Variants in LATS1 observed in about 807,000 individuals in gnomAD.
LATS1 encodes the protein serine/threonine-protein kinase LATS1.
In LATS1, 25 loss-of-function variants were observed where a neutral mutation model predicts 106.6. The ratio of observed to expected loss-of-function variants is 0.23; its 90% CI spans 0.17 to 0.33. The LOEUF is 0.33. LATS1 is among the 10% of genes least tolerant of loss of function. The pLI is 1.00. For missense variants in LATS1, 1,040 were observed against 1,382.6 expected, an observed-to-expected ratio of 0.75 and a Z score of 3.93; for synonymous variants, 465 against 455.6, an observed-to-expected ratio of 1.02 and a Z score of -0.26.
Position 149,683,111 on chromosome 6 carries a change from G to A in LATS1, c.1978C>T (p.Arg660Cys), listed in dbSNP as rs1782148808. 1 of 1,612,600 alleles carries A rather than the reference G, an allele frequency of 6.2e-7. No homozygotes were observed. Among genetic ancestry groups the A allele is most frequent in the Non-Finnish European group, 8.5e-7 (1 of 1,179,348 alleles). The change falls in exon 4 of 8, where the codon CGT (arginine) becomes TGT (cysteine). Residue 660 changes from arginine to cysteine, a missense_variant. Physicochemically the swap from Arg to Cys is radical, Grantham distance 180. Coordinates refer to ENST00000543571, the MANE Select transcript of LATS1 (RefSeq NM_004690.4). ...VLKSHQQRLH[R>C]KKQLENEMMR... is the part of the protein sequence containing the mutation. ...ATTTCATTCTCTAATTGTTTTTTACGATGTAGACGCTGCTGATGAGATTTG... is the reference window on the plus strand; with the variant it reads ...ATTTCATTCTCTAATTGTTTTTTACAATGTAGACGCTGCTGATGAGATTTG...
chr6:149,672,241 GCT>G (rs1460500108), intron 7 of LATS1, among the ~76,000 whole-genome samples: 2 of 148,454 alleles, frequency 1.3e-5, no homozygotes, highest in Admixed American at 6.7e-5. Flanking sequence ...ATGGAGTCTC[GCT>G]CTGTCACCCA....
chr6:149,696,627 C>T (rs1783094138), intron 2 of LATS1, among the ~76,000 whole-genome samples: 1 of 143,090 alleles, frequency 7.0e-6, no homozygotes, highest in African/African-American at 2.6e-5. Context: ...TTTTATTAAG[C>T]ACATTGCCAT....
intron 1 of LATS1, among the ~76,000 whole-genome samples, chr6:149,710,480 A>G (rs1784029157): frequency 6.6e-6 from 1 of 152,144 alleles, no homozygotes; most frequent in South Asian, 2.1e-4. Flanking sequence ...TCAGAGTTCT[A>G]GTTTTATATA....
chr6:149,673,865 G>T (rs929325017), intron 7 of LATS1, among the ~76,000 whole-genome samples: 1 of 151,492 alleles, frequency 6.6e-6, no homozygotes, highest in South Asian at 2.1e-4. Flanking sequence ...AGTAGAGACG[G>T]GGTTTCACCA....
intron 1 of LATS1, among the ~76,000 whole-genome samples, chr6:149,708,161 G>T (rs1001164644): frequency 3.9e-5 from 6 of 152,032 alleles, no homozygotes; most frequent in African/African-American, 1.2e-4. Flanking sequence ...CATTTATCAG[G>T]GGAAATAACA....
chr6:149,667,626 A>G (rs1039520109), intron 7 of LATS1, among the ~76,000 whole-genome samples: 3 of 152,188 alleles, frequency 2.0e-5, no homozygotes, highest in African/African-American at 7.2e-5. Flanking sequence ...TGTGTGGTAC[A>G]GATAAATATT....
intron 1 of LATS1, among the ~76,000 whole-genome samples, chr6:149,711,230 A>T (rs1394032745): frequency 6.6e-6 from 1 of 151,658 alleles, no homozygotes; most frequent in Non-Finnish European, 1.5e-5. Context: ...CTTTAAAGAA[A>T]CTGTTTTGTT....
chr6:149,712,644 C>T (rs971520998), intron 1 of LATS1, among the ~76,000 whole-genome samples: 1 of 152,186 alleles, frequency 6.6e-6, no homozygotes, highest in Non-Finnish European at 1.5e-5. Flanking sequence ...AGCCACCATG[C>T]CCGGCCAGTA....
At chr6:149,694,494 G>A (rs1382916450) in intron 3 of LATS1, among the ~76,000 whole-genome samples, 2 of 152,082 alleles carry the variant, frequency 1.3e-5, no homozygotes, top group African/African-American at 4.8e-5. Context: ...ATTTTAATGT[G>A]GCTAGTAAAA....
At chr6:149,675,449 G>T (rs1013046229) in intron 7 of LATS1, among the ~76,000 whole-genome samples, 1 of 152,096 alleles carries the variant, frequency 6.6e-6, no homozygotes, top group African/African-American at 2.4e-5. Context: ...TTTTCAAGTG[G>T]GGATATAAAC....
At chr6:149,699,498 A>G (rs1188261697) in intron 2 of LATS1, among the ~76,000 whole-genome samples, 1 of 152,162 alleles carries the variant, frequency 6.6e-6, no homozygotes, top group Non-Finnish European at 1.5e-5. Flanking sequence ...AAAATAAATA[A>G]ATAACACCAT....
At chr6:149,673,408 C>A (rs1781547545) in intron 7 of LATS1, among the ~76,000 whole-genome samples, 1 of 151,842 alleles carries the variant, frequency 6.6e-6, no homozygotes, top group Non-Finnish European at 1.5e-5. Context: ...CCTTTTATTT[C>A]TTTTCATTGC....
In LATS1 at chr6:149,676,599, A is replaced by G; in HGVS notation, c.2732T>C (p.Val911Ala). 1 of 1,614,094 alleles carries G rather than the reference A, an allele frequency of 6.2e-7. No individual in the cohort carries two copies. The highest frequency in any genetic ancestry group is 1.1e-5 in the South Asian group (1 of 91,078). Reference sequence around the variant, plus strand: ...AGGTGCAATATAATTGGGAGTCCCAACCAAAGAATGTGCTAGACATCGCTG... The same window carrying G: ...AGGTGCAATATAATTGGGAGTCCCAGCCAAAGAATGTGCTAGACATCGCTG... ...QHQRCLAHSL[V>A]GTPNYIAPEV... Residue 911 changes from valine to alanine, a missense_variant, in exon 6 of 8, where the codon GTT becomes GCT. Transcript: ENST00000543571.
At chr6:149,693,537 G>T (rs531200664) in intron 3 of LATS1, among the ~76,000 whole-genome samples, 2 of 151,772 alleles carry the variant, frequency 1.3e-5, no homozygotes, top group Non-Finnish European at 2.9e-5. Context: ...TTGAACCCAG[G>T]GGGTGGAGGT....
In LATS1 at chr6:149,661,481, G is replaced by A. The variant is rs527520017; in HGVS notation, c.*248C>T. 2 of 367,714 alleles carry A rather than the reference G, an allele frequency of 5.4e-6. No homozygotes were observed. Among genetic ancestry groups the A allele is most frequent in the East Asian group, 8.0e-5 (2 of 24,984 alleles). The allele number at this position is 367,714 out of a possible 1,614,324, so 22.8% of individuals were successfully genotyped here. On this transcript the variant is annotated 3_prime_UTR_variant, in exon 8 of 8. Transcript: ENST00000543571. Reference sequence around the variant, plus strand: ...TTATTTTAAGTACTTTAAGTACCAAGAACTGACTATAATATTCAGTTCATA... The same window carrying A: ...TTATTTTAAGTACTTTAAGTACCAAAAACTGACTATAATATTCAGTTCATA...
At chr6:149,692,878 T>C (rs1347520762) in intron 3 of LATS1, among the ~76,000 whole-genome samples, 1 of 151,972 alleles carries the variant, frequency 6.6e-6, no homozygotes, top group Non-Finnish European at 1.5e-5. Flanking sequence ...TTCTTCATGT[T>C]GGTCTGGCTG....
intron 3 of LATS1, among the ~76,000 whole-genome samples, chr6:149,690,479 C>T (rs1329159122): frequency 6.6e-6 from 1 of 151,940 alleles, no homozygotes; most frequent in Non-Finnish European, 1.5e-5. Flanking sequence ...TCCCAAAGTG[C>T]TGGGATTACA....
At chr6:149,685,291 A>G (rs549670494) in intron 3 of LATS1, among the ~76,000 whole-genome samples, 68 of 152,254 alleles carry the variant, frequency 4.5e-4, no homozygotes, top group Admixed American at 7.8e-4. Context: ...ATATGCATGT[A>G]TATTTGTAGA....
rs202204001 is a variant in LATS1, at chr6:149,680,305, T to A, written c.2163A>T (p.Leu721=). 812 of 1,613,928 alleles carry A rather than the reference T, an allele frequency of 5.0e-4. 8 individuals carry two copies. In the Admixed American group the frequency reaches 0.013, roughly 26 times the overall value. The change falls in exon 5 of 8, where the codon CTA becomes CTT. Residue 721 remains leucine, a synonymous_variant. Coordinates refer to ENST00000543571, the MANE Select transcript of LATS1 (RefSeq NM_004690.4). ...AAGCCTTAGTATCTACTTTTCTTGC[T>A]AGACAGACTTCACCAAATGCTCCTA... The part of the protein sequence containing the change: ...LGIGAFGEVC[L]ARKVDTKALY...
Sources: gnomAD v4.1 joint callset for allele counts (sites outside exome capture counted in the v4.1 genomes callset) on GRCh38, gnomAD v4.1.1 for gene constraint, MANE v1.5 for transcripts, NCBI Gene and HGNC (gene_info 2026-07-23, HGNC 2026-07-21) for gene names.